MDN1: variants seen among roughly 807,000 people sequenced by gnomAD.
MDN1 encodes midasin AAA ATPase 1.
In MDN1, 266 loss-of-function variants were observed where a neutral mutation model predicts 669.2. The observed-to-expected ratio is 0.40, with a 90% CI of 0.36 to 0.44. MDN1 has a LOEUF of 0.44. Among genes scored for constraint, MDN1 ranks in the 20% least tolerant of loss-of-function variants. The probability of loss-of-function intolerance (pLI) is 1.00; values close to 1 mark genes in which losing one functional copy is unlikely to be tolerated. For missense variants in MDN1, 5,940 were observed against 6,754.0 expected, an observed-to-expected ratio of 0.88 and a Z score of 4.22; for synonymous variants, 2,385 against 2,457.1, an observed-to-expected ratio of 0.97 and a Z score of 0.87.
At chr6:89,741,026 G>A (rs1458700964) in intron 31 of MDN1, among the ~76,000 whole-genome samples, 1 of 152,198 alleles carries the variant, frequency 6.6e-6, no homozygotes, top group Non-Finnish European at 1.5e-5. Context: ...GAGGCCAGGA[G>A]TTGGAGACCA....
intron 53 of MDN1, among the ~76,000 whole-genome samples, chr6:89,705,144 A>G (rs936143406): frequency 5.3e-5 from 8 of 152,246 alleles, no homozygotes; most frequent in African/African-American, 1.9e-4. Context: ...ACTTGCAGGA[A>G]TGTACAACAG....
intron 9 of MDN1, among the ~76,000 whole-genome samples, chr6:89,783,233 G>C (rs925555973): frequency 1.3e-5 from 2 of 152,084 alleles, no homozygotes; most frequent in African/African-American, 4.8e-5. Context: ...TCTTTTCCTA[G>C]CAAGGAATAT....
chr6:89,687,956 C>G, intron 67 of MDN1, 122 bp downstream of exon 67: 1 of 899,998 alleles, frequency 1.1e-6, no homozygotes, highest in Non-Finnish European at 1.8e-6. Context: ...CCAGAAAAAC[C>G]AAGGATGTTT....
Position 89,754,063 on chromosome 6 carries a change from C to A in MDN1, c.2964+20G>T. ...CCCATCCATTAAGCTCATATCCAGT[C>A]AAAGAGACTTCAGAAAGACCTCATA... is the stretch of plus-strand genomic sequence containing the variant. On this transcript the variant is annotated intron_variant, in intron 21 of 101. Transcript: ENST00000369393. The A allele has an allele frequency of 6.2e-7, 1 of 1,610,750 alleles. No homozygotes were observed. The highest frequency in any genetic ancestry group is 8.5e-7 in the Non-Finnish European group (1 of 1,178,552).
chr6:89,809,407 G>A (rs1768231398), intron 1 of MDN1, among the ~76,000 whole-genome samples: 1 of 151,982 alleles, frequency 6.6e-6, no homozygotes, highest in Non-Finnish European at 1.5e-5. Context: ...AAGGCAGGCA[G>A]ATCACTTGAG....
rs779048868 is a variant in MDN1 at position 89,718,512 on chromosome 6, G to A, written c.6437C>T (p.Ala2146Val). The A allele has an allele frequency of 3.7e-6, 6 of 1,613,956 alleles. No individual in the cohort carries two copies. The African/African-American group carries it at 6.7e-5, about 18-fold the overall frequency. ...SADDAEVVLR[A>V]WSHFLLTYKP... Reference sequence around the variant, plus strand: ...ATATGTCAGAAGAAAATGACTCCAGGCTCGCAGCACTACTTCTGCATCATC... The same window carrying A: ...ATATGTCAGAAGAAAATGACTCCAGACTCGCAGCACTACTTCTGCATCATC... The change falls in exon 43 of 102, where the codon GCC becomes GTC. Residue 2146 changes from alanine (A) to valine (V), a missense_variant. This residue lies in a region of MDN1 where 2,292 missense variants were observed against 2,638.3 expected (regional missense o/e 0.87). Coordinates refer to ENST00000369393, the MANE Select transcript of MDN1 (RefSeq NM_014611.3).
chr6:89,678,978 T>C (rs1811427616), intron 74 of MDN1, among the ~76,000 whole-genome samples: 1 of 152,224 alleles, frequency 6.6e-6, no homozygotes, highest in East Asian at 1.9e-4. Context: ...GGATTTCAAA[T>C]CTCTTGACAA....
At chr6:89,651,132 A>G (rs1218840579) in intron 95 of MDN1, among the ~76,000 whole-genome samples, 2 of 150,726 alleles carry the variant, frequency 1.3e-5, no homozygotes, top group Non-Finnish European at 3.0e-5. Flanking sequence ...CCTGGCCGAC[A>G]TGGTGAAACC....
chr6:89,799,760 C>T (rs764117646), intron 2 of MDN1, among the ~76,000 whole-genome samples: 14 of 152,178 alleles, frequency 9.2e-5, no homozygotes, highest in Non-Finnish European at 1.9e-4. Flanking sequence ...AAAGTGTATA[C>T]ACATTTTTAA....
At chr6:89,755,429 C>T (rs942473802) in intron 20 of MDN1, among the ~76,000 whole-genome samples, 1 of 151,680 alleles carries the variant, frequency 6.6e-6, no homozygotes, top group Non-Finnish European at 1.5e-5. Flanking sequence ...TTTCTTACAC[C>T]CTACTCAGCT....
At chr6:89,801,805 A>C (rs1767683059) in intron 2 of MDN1, among the ~76,000 whole-genome samples, 1 of 151,830 alleles carries the variant, frequency 6.6e-6, no homozygotes, top group Non-Finnish European at 1.5e-5. Flanking sequence ...GAAAAAAAAA[A>C]AAAAGAATTA....
Position 89,723,651 on chromosome 6 carries a change from C to T in MDN1, c.5671-32G>A, listed in dbSNP as rs1054695045. ...ATCCAAAAATAATATGAAGAAATGC[C>T]TTTGTTTCTCTTTACCAAACACTAG... is the stretch of plus-strand genomic sequence containing the variant. On this transcript the variant is annotated intron_variant, in intron 38 of 101. Transcript: ENST00000369393. The T allele has an allele frequency of 2.4e-6, 3 of 1,273,694 alleles. No homozygotes were observed. In the Admixed American group the frequency reaches 7.1e-5, roughly 30 times the overall value. 78.9% of individuals were successfully genotyped at this position (1,273,694 alleles called of 1,614,324 possible).
chr6:89,789,597 A>C (rs189924223), intron 7 of MDN1, among the ~76,000 whole-genome samples, 183 bp downstream of exon 7: 22 of 152,350 alleles, frequency 1.4e-4, no homozygotes, highest in African/African-American at 5.3e-4. Flanking sequence ...ATCAAACAAG[A>C]AACCAGTCAA....
chr6:89,727,807 T>C (rs760382470), intron 37 of MDN1, 26 bp downstream of exon 37: 41 of 1,610,374 alleles, frequency 2.5e-5, no homozygotes, highest in Non-Finnish European at 2.1e-5. Flanking sequence ...GATCACCGTC[T>C]TGGGCATGAC....
chr6:89,715,861 C>T, intron 44 of MDN1, 92 bp from the exon 45 acceptor site: 1 of 821,448 alleles, frequency 1.2e-6, no homozygotes, highest in Non-Finnish European at 2.1e-6. Flanking sequence ...GCTTTTGACT[C>T]ACATTTCCTT....
chr6:89,670,595 T>TGAA (rs112203752), intron 83 of MDN1, among the ~76,000 whole-genome samples: 39 of 152,250 alleles, frequency 2.6e-4, no homozygotes, highest in African/African-American at 7.5e-4. Flanking sequence ...AAGAGTTATC[T>TGAA]GAAGATTTAC....
chr6:89,746,245 A>T (rs1816606581), intron 27 of MDN1, among the ~76,000 whole-genome samples: 1 of 152,232 alleles, frequency 6.6e-6, no homozygotes, highest in South Asian at 2.1e-4. Context: ...ATCTTGGTCT[A>T]GGTGATACTT....
intron 9 of MDN1, among the ~76,000 whole-genome samples, chr6:89,784,704 G>T (rs1818861816): frequency 6.6e-6 from 1 of 152,026 alleles, no homozygotes; most frequent in African/African-American, 2.4e-5. Context: ...TAGACAACTG[G>T]GAAAATTTGA....
chr6:89,786,192 G>A (rs1818948781), intron 8 of MDN1, among the ~76,000 whole-genome samples: 1 of 152,182 alleles, frequency 6.6e-6, no homozygotes, highest in African/African-American at 2.4e-5. Flanking sequence ...CCGGGAGGCA[G>A]AGGTTGCAGT....
Sources: allele counts gnomAD v4.1 joint callset (sites outside exome capture counted in the v4.1 genomes callset), GRCh38; gene constraint gnomAD v4.1.1; regional missense constraint gnomAD v4.1.1; transcripts MANE v1.5; gene names NCBI Gene and HGNC (gene_info 2026-07-23, HGNC 2026-07-21).